TLE1: variants seen among roughly 807,000 people sequenced by gnomAD.
The protein encoded by TLE1 is TLE family member 1, transcriptional corepressor, also known as transducin-like enhancer protein 1.
In TLE1, 21 loss-of-function variants were observed where a neutral mutation model predicts 89.8. The observed-to-expected ratio is 0.23, with a 90% CI of 0.17 to 0.34. TLE1 has a LOEUF of 0.34. TLE1 is among the 10% of genes least tolerant of loss of function. The pLI is 1.00. For synonymous variants in TLE1, 447 were observed against 407.6 expected (o/e 1.10, Z -1.16); for missense variants, 795 against 1,031.2 (o/e 0.77, Z 3.14).
chr9:81,592,283 C>T (rs777135478), intron 15 of TLE1, among the ~76,000 whole-genome samples: 5 of 152,162 alleles, frequency 3.3e-5, no homozygotes, highest in East Asian at 1.9e-4. Flanking sequence ...GCGTAAACCC[C>T]GGAGGCGGAG....
intron 14 of TLE1, among the ~76,000 whole-genome samples, chr9:81,607,155 A>G (rs1831801860): frequency 6.6e-6 from 1 of 152,120 alleles, no homozygotes; most frequent in Non-Finnish European, 1.5e-5. Flanking sequence ...CCAAGATGAG[A>G]AAAGTACCCC....
At chr9:81,675,472 T>C (rs1242974763) in intron 4 of TLE1, among the ~76,000 whole-genome samples, 1 of 151,944 alleles carries the variant, frequency 6.6e-6, no homozygotes, top group South Asian at 2.1e-4. Flanking sequence ...CTGCACATGC[T>C]CAATTCACAC....
chr9:81,595,685 G>A (rs1004071548), intron 14 of TLE1, among the ~76,000 whole-genome samples: 4 of 151,980 alleles, frequency 2.6e-5, no homozygotes, highest in African/African-American at 4.8e-5. Context: ...CGGGTATGGT[G>A]GCGGGCGCTT....
chr9:81,645,595 C>A (rs1324019898), intron 6 of TLE1, among the ~76,000 whole-genome samples: 1 of 151,782 alleles, frequency 6.6e-6, no homozygotes, highest in Non-Finnish European at 1.5e-5. Context: ...ACAAAATTAG[C>A]CAGGCGTGGT....
intron 14 of TLE1, among the ~76,000 whole-genome samples, chr9:81,604,379 G>A (rs1470091412): frequency 2.0e-5 from 3 of 152,172 alleles, no homozygotes; most frequent in African/African-American, 7.2e-5. Flanking sequence ...GAGGGCTGAA[G>A]CGACAGACAA....
intron 4 of TLE1, among the ~76,000 whole-genome samples, chr9:81,680,953 C>CTA (rs1833544429): frequency 6.7e-6 from 1 of 150,240 alleles, no homozygotes; most frequent in Non-Finnish European, 1.5e-5. Flanking sequence ...AAAAAAAACA[C>CTA]TAAGGTAAAA....
chr9:81,667,913 C>CA (rs959324356), intron 4 of TLE1, among the ~76,000 whole-genome samples: 3 of 152,200 alleles, frequency 2.0e-5, no homozygotes, highest in African/African-American at 7.2e-5. Flanking sequence ...CCTGTAACCC[C>CA]AGCATTTTGG....
In TLE1 at chr9:81,585,720, T is replaced by C. The variant is rs140190024; in HGVS notation, c.1978-65A>G. 8.5e-5 allele frequency: 133 copies of C among 1,573,214 alleles called. 1 individual carries two copies. The East Asian group carries it at 2.2e-3, about 26-fold the overall frequency. On this transcript the variant is annotated intron_variant, in intron 17 of 19. Coordinates refer to ENST00000376499, the MANE Select transcript of TLE1 (RefSeq NM_005077.5). ...ATACACTTAGGAAGGGAAGACGCAA[T>C]GTGAAAAGTGGGGAAATAGCAAGAA... is the stretch of plus-strand genomic sequence containing the variant.
In TLE1 at chr9:81,587,910, G is replaced by GTGTGTGTGTGTGTGTCATCCCGCC. The variant is rs1564104180; in HGVS notation, c.1830-83_1830-82insGGCGGGATGACACACACACACACA. ...TGTTGTGTTGTTAGTTTTGGACCGT[G>GTGTGTGTGTGTGTGTCATCCCGCC]TGTGTGTGTGTGTGTGTGTGTGTGT... On this transcript the variant is annotated intron_variant, in intron 16 of 19. Coordinates refer to ENST00000376499, the MANE Select transcript of TLE1 (RefSeq NM_005077.5). 752 of 796,932 alleles carry GTGTGTGTGTGTGTGTCATCCCGCC rather than the reference G, an allele frequency of 9.4e-4. 9 individuals are homozygous for GTGTGTGTGTGTGTGTCATCCCGCC. The highest frequency in any genetic ancestry group is 1.5e-3 in the African/African-American group (77 of 49,970). 49.4% of individuals were successfully genotyped at this position (796,932 alleles called of 1,614,324 possible).
chr9:81,611,169 G>C (rs1823658490), intron 13 of TLE1, among the ~76,000 whole-genome samples: 1 of 152,120 alleles, frequency 6.6e-6, no homozygotes, highest in Admixed American at 6.5e-5. Context: ...GTTTCTTCTT[G>C]TTCAAAAATT....
chr9:81,592,504 C>T (rs1332611832), intron 15 of TLE1, among the ~76,000 whole-genome samples: 1 of 152,156 alleles, frequency 6.6e-6, no homozygotes, highest in East Asian at 1.9e-4. Flanking sequence ...TGATGGCTGC[C>T]CCGGGTCTTT....
intron 4 of TLE1, among the ~76,000 whole-genome samples, chr9:81,672,551 T>C (rs973291979): frequency 6.0e-5 from 9 of 150,300 alleles, no homozygotes; most frequent in Non-Finnish European, 1.5e-5. Flanking sequence ...GCCCATGGAG[T>C]AGACGAAGAA....
In TLE1 at chr9:81,687,701, AG is replaced by A. The variant is rs932033721; in HGVS notation, c.25-268del. On this transcript the variant is annotated intron_variant, in intron 1 of 19. Transcript: ENST00000376499. Reference sequence around the variant, plus strand: ...CGCCCGGGTCACCAGGCCAAAGGGAAGGGGGCTCCCCGGCGGCCAGGGAAGA... The same window carrying A: ...CGCCCGGGTCACCAGGCCAAAGGGAAGGGGCTCCCCGGCGGCCAGGGAAGA... Among the ~76,000 whole-genome samples the A allele has an allele frequency of 4.6e-5, 7 of 151,870 alleles. 1 individual carries two copies. In the South Asian group the frequency reaches 1.5e-3, roughly 32 times the overall value.
Position 81,616,066 on chromosome 9 carries a change from C to T in TLE1, c.834G>A (p.Leu278=), listed in dbSNP as rs746329867. Residue 278 remains leucine, a synonymous_variant, in exon 11 of 20, where the codon CTG becomes CTA. Transcript: ENST00000376499. Reference sequence around the variant, plus strand: ...GACTGCTAGAAGCATCCTTCTTTAGCAGGCGATTTTTGTCGATTCCATTTT... The same window carrying T: ...GACTGCTAGAAGCATCCTTCTTTAGTAGGCGATTTTTGTCGATTCCATTTT... ...PRENGIDKNR[L]LKKDASSSPA... is the part of the protein sequence containing the mutation. 6.2e-7 allele frequency: 1 copy of T among 1,614,178 alleles called. No individual in the cohort carries two copies.
intron 8 of TLE1, among the ~76,000 whole-genome samples, chr9:81,631,002 A>G (rs1371660236): frequency 6.6e-6 from 1 of 152,074 alleles, no homozygotes; most frequent in East Asian, 1.9e-4. Flanking sequence ...TGCAGTAATT[A>G]GGCAGGAAAC....
rs755091680 is a variant in TLE1, at chr9:81,591,029, G to A, written c.1605C>T (p.Ser535=). The change falls in exon 16 of 20, where the codon TCC becomes TCT. Residue 535 remains serine, a synonymous_variant. Transcript: ENST00000376499. ...TGCAGCCATCGGGTAGCAATTTACA[G>A]GAACGGATATAATTGTCTCTGTTCT... is the stretch of plus-strand genomic sequence containing the variant. ...DCLNRDNYIR[S]CKLLPDGCTL... The A allele has an allele frequency of 1.2e-6, 2 of 1,614,032 alleles. No individual in the cohort carries two copies. The highest frequency in any genetic ancestry group is 1.3e-5 in the African/African-American group (1 of 74,938).
Position 81,613,490 on chromosome 9 carries a change from G to T in TLE1, c.950C>A (p.Ser317Tyr), listed in dbSNP as rs1363151751. 1 of 1,614,098 alleles carries T rather than the reference G, an allele frequency of 6.2e-7. No homozygotes were observed. The highest frequency in any genetic ancestry group is 8.5e-7 in the Non-Finnish European group (1 of 1,180,054). ...HEKASTPVLK[S>Y]STPTPRSDMP... is the part of the protein sequence containing the mutation. ...GTCGCTCCGAGGCGTTGGTGTGCTGGATTTCAGAACAGGCGTGCTGGCTTT... is the reference window on the plus strand; with the variant it reads ...GTCGCTCCGAGGCGTTGGTGTGCTGTATTTCAGAACAGGCGTGCTGGCTTT... Residue 317 changes from serine (S) to tyrosine (Y), a missense_variant, in exon 12 of 20, where the codon TCC becomes TAC. Ser to Tyr is a moderately radical substitution (Grantham distance 144). Transcript: ENST00000376499.
At chr9:81,597,613 G>A (rs1387616155) in intron 14 of TLE1, among the ~76,000 whole-genome samples, 2 of 152,116 alleles carry the variant, frequency 1.3e-5, no homozygotes, top group African/African-American at 4.8e-5. Context: ...GAAAGCCTCA[G>A]AACTGAGACC....
intron 4 of TLE1, among the ~76,000 whole-genome samples, chr9:81,680,793 T>G (rs1036932839): frequency 1.3e-5 from 2 of 152,118 alleles, no homozygotes; most frequent in Non-Finnish European, 2.9e-5. Flanking sequence ...CCTCTTTGTA[T>G]GACAAGATTA....
Sources: gnomAD v4.1 joint callset for allele counts (sites outside exome capture counted in the v4.1 genomes callset) on GRCh38, gnomAD v4.1.1 for gene constraint, MANE v1.5 for transcripts, NCBI Gene and HGNC (gene_info 2026-07-23, HGNC 2026-07-21) for gene names.